Variants in GRK4 observed in about 807,000 individuals in gnomAD.
GRK4 encodes the protein G protein-coupled receptor kinase 4.
A neutral mutation model predicts 77.9 loss-of-function variants in GRK4; 73 were observed. That is an observed-to-expected ratio of 0.94 (90% CI 0.78 to 1.14). The LOEUF is 1.14. Among genes scored for constraint, GRK4 ranks in the 50% most tolerant of loss-of-function variants. GRK4 has a pLI of 0.00. For missense variants in GRK4, 729 were observed against 700.2 expected, an observed-to-expected ratio of 1.04 and a Z score of -0.46; for synonymous variants, 257 against 254.4, an observed-to-expected ratio of 1.01 and a Z score of -0.10.
At chr4:2,992,348 C>A in intron 4 of GRK4, 56 bp downstream of exon 4, 1 of 1,158,788 alleles carries the variant, frequency 8.6e-7, no homozygotes, top group Non-Finnish European at 1.3e-6. Context: ...AGTGCATAGC[C>A]ATTTTTACTT....
At chr4:2,983,869 A>G (rs1387441880) in intron 1 of GRK4, among the ~76,000 whole-genome samples, 1 of 152,074 alleles carries the variant, frequency 6.6e-6, no homozygotes, top group Non-Finnish European at 1.5e-5. Context: ...AGCGAAGGGG[A>G]AGCAAGGCAC....
intron 1 of GRK4, chr4:2,966,780 C>T (rs962379786): frequency 2.0e-5 from 3 of 152,260 alleles, no homozygotes; most frequent in South Asian, 4.1e-4. Context: ...AATGAATGAA[C>T]GTAGCACAAG....
chr4:3,004,042 G>A (rs996235253), intron 4 of GRK4, among the ~76,000 whole-genome samples, 189 bp from the exon 5 acceptor site: 28 of 152,170 alleles, frequency 1.8e-4, no homozygotes, highest in Admixed American at 1.8e-3. Context: ...GATATGCATC[G>A]GAGAAGATCT....
At chr4:2,987,959 C>G (rs763134976) in intron 2 of GRK4, among the ~76,000 whole-genome samples, 6 of 150,954 alleles carry the variant, frequency 4.0e-5, no homozygotes, top group Non-Finnish European at 7.4e-5. Flanking sequence ...GCCTATAATC[C>G]AAGGTACTCA....
chr4:3,005,295 C>T (rs1374677459), intron 5 of GRK4, among the ~76,000 whole-genome samples: 1 of 151,810 alleles, frequency 6.6e-6, no homozygotes, highest in Non-Finnish European at 1.5e-5. Context: ...ATTCTTTGCT[C>T]TGAGAGCAAG....
chr4:3,035,407 AAGCGGCTGGGCTGCAGGGGCGAGGG>A lies in GRK4; in HGVS notation c.1302_1326del (p.Cys435Ter). 4 of 1,613,994 alleles carry A rather than the reference AAGCGGCTGGGCTGCAGGGGCGAGGG, an allele frequency of 2.5e-6. No individual in the cohort carries two copies. The highest frequency in any genetic ancestry group is 3.4e-6 in the Non-Finnish European group (4 of 1,180,004). ...GCAGTTACTCACCAAGAATCCAAGC[AAGCGGCTGGGCTGCAGGGGCGAGGG>A]AGCGGCTGGGGTGAAGCAGCACCCC... On this transcript the variant is annotated frameshift_variant, in exon 13 of 16. Coordinates refer to ENST00000398052, the MANE Select transcript of GRK4 (RefSeq NM_182982.3). LOFTEE classifies it high-confidence loss of function.
intron 10 of GRK4, among the ~76,000 whole-genome samples, chr4:3,027,453 C>T (rs1737884396): frequency 1.3e-5 from 2 of 152,162 alleles, no homozygotes; most frequent in African/African-American, 4.8e-5. Flanking sequence ...TTTATTATTT[C>T]CCTGACTCTA....
chr4:3,016,115 G>A (rs1314537288), intron 8 of GRK4, among the ~76,000 whole-genome samples: 1 of 150,366 alleles, frequency 6.7e-6, no homozygotes, highest in African/African-American at 2.4e-5. Flanking sequence ...TCACTTTGTT[G>A]GCCAGGCTGG....
At chr4:2,999,373 T>C (rs1257142683) in intron 4 of GRK4, among the ~76,000 whole-genome samples, 3 of 152,206 alleles carry the variant, frequency 2.0e-5, no homozygotes, top group Non-Finnish European at 4.4e-5. Context: ...AGAGTCCTCA[T>C]GATCTTATCA....
intron 1 of GRK4, 29 bp downstream of exon 1, chr4:2,964,151 C>G: frequency 6.4e-7 from 1 of 1,560,268 alleles, no homozygotes; most frequent in Non-Finnish European, 8.7e-7. Context: ...CCCCCGACCC[C>G]CCCCCCAGAG....
intron 1 of GRK4, among the ~76,000 whole-genome samples, chr4:2,968,680 T>C (rs1216926868): frequency 6.6e-6 from 1 of 151,950 alleles, no homozygotes; most frequent in Non-Finnish European, 1.5e-5. Context: ...AAATAAGACG[T>C]GTGGCATATT....
chr4:2,978,180 A>G (rs1386734221), intron 1 of GRK4, among the ~76,000 whole-genome samples: 2 of 152,248 alleles, frequency 1.3e-5, no homozygotes, highest in Non-Finnish European at 2.9e-5. Flanking sequence ...GTGGGAAGAA[A>G]AAGGGAAAAC....
At chr4:3,013,620 G>T in intron 7 of GRK4, 68 bp from the exon 8 acceptor site, 3 of 1,539,360 alleles carry the variant, frequency 1.9e-6, no homozygotes, top group Admixed American at 2.1e-5. Context: ...CAAGCAAAGA[G>T]CTTCCTTTGT....
At chr4:2,976,979 G>C (rs1419248890) in intron 1 of GRK4, among the ~76,000 whole-genome samples, 2 of 152,194 alleles carry the variant, frequency 1.3e-5, no homozygotes, top group Non-Finnish European at 2.9e-5. Context: ...CAGATTAGTT[G>C]GGGGCTGTCT....
chr4:3,007,966 G>T, intron 6 of GRK4, 138 bp downstream of exon 6: 1 of 541,606 alleles, frequency 1.8e-6, no homozygotes. Flanking sequence ...TCAAGCCTGT[G>T]AATAGCCACT....
chr4:2,988,736 A>T lies in GRK4; in HGVS notation c.158A>T (p.Tyr53Phe). ...CCTTTGCTTCACCCAGAAAAGGATT[A>T]TAGCAGTCTTTGTGACAAGCAACCG... ...SELRHSIEKD[Y>F]SSLCDKQPIG... Residue 53 changes from tyrosine (Y) to phenylalanine (F), a missense_variant, in exon 3 of 16, where the codon TAT becomes TTT. Tyr to Phe is a conservative substitution (Grantham distance 22, BLOSUM62 3). Coordinates refer to ENST00000398052, the MANE Select transcript of GRK4 (RefSeq NM_182982.3). The T allele has an allele frequency of 1.3e-6, 2 of 1,595,984 alleles. No homozygotes were observed. Among genetic ancestry groups the T allele is most frequent in the South Asian group, 1.1e-5 (1 of 90,816 alleles).
At chr4:3,021,628 T>TG (rs939566030) in intron 9 of GRK4, among the ~76,000 whole-genome samples, 7 of 152,072 alleles carry the variant, frequency 4.6e-5, no homozygotes, top group Non-Finnish European at 8.8e-5. Flanking sequence ...GACACAGAGG[T>TG]GGTCGCCTGA....
At position 3,013,825 on chromosome 4, in the gene GRK4, C is replaced by A. The variant is rs1258301137; in HGVS notation, c.738C>A (p.Phe246Leu). The change falls in exon 8 of 16, where the codon TTC becomes TTA. Residue 246 changes from phenylalanine to leucine, a missense_variant. Transcript: ENST00000398052. ...TTCTGGAGAAAGTGCAAAGTAGATT[C>A]GTAGTAAGTGTCTCCTCTTAGTCTT... ...KRILEKVQSR[F>L]VVSLAYAYET... The A allele has an allele frequency of 9.3e-6, 15 of 1,607,512 alleles. 1 individual carries two copies. In the South Asian group the frequency reaches 1.6e-4, roughly 17 times the overall value.
intron 1 of GRK4, among the ~76,000 whole-genome samples, chr4:2,973,891 G>T (rs1294698734): frequency 6.6e-6 from 1 of 152,122 alleles, no homozygotes; most frequent in Non-Finnish European, 1.5e-5. Context: ...TAAGACCGCC[G>T]CCCCAACCTC....
Sources: gnomAD v4.1 joint callset for allele counts (sites outside exome capture counted in the v4.1 genomes callset) on GRCh38, gnomAD v4.1.1 for gene constraint, MANE v1.5 for transcripts, NCBI Gene and HGNC (gene_info 2026-07-23, HGNC 2026-07-21) for gene names.